The following FAM193A variants were observed in gnomAD, a reference collection of about 807,000 sequenced individuals.
FAM193A encodes protein FAM193A.
FAM193A carries 22 observed loss-of-function variants against 126.5 expected under a neutral mutation model. The observed-to-expected ratio is 0.17, with a 90% confidence interval of 0.12 to 0.25. The LOEUF is 0.25. Among genes scored for constraint, FAM193A ranks in the 10% least tolerant of loss-of-function variants. The pLI, the probability that FAM193A is intolerant of heterozygous loss-of-function variation, is 1.00. For synonymous variants in FAM193A, 761 were observed against 646.8 expected, an observed-to-expected ratio of 1.18 and a Z score of -2.68; for missense variants, 1,675 against 1,672.8, an observed-to-expected ratio of 1.00 and a Z score of -0.02.
chr4:2,641,204 G>A (rs1476438465), intron 6 of FAM193A, among the ~76,000 whole-genome samples: 6 of 151,166 alleles, frequency 4.0e-5, no homozygotes, highest in Admixed American at 2.6e-4. Context: ...GCACCACCAC[G>A]CCTGGCTAAT....
At chr4:2,626,877 C>T (rs1460570065) in intron 4 of FAM193A, among the ~76,000 whole-genome samples, 1 of 152,168 alleles carries the variant, frequency 6.6e-6, no homozygotes, top group Non-Finnish European at 1.5e-5. Flanking sequence ...CCCCCTGTGC[C>T]AGGGATGATG....
intron 10 of FAM193A, among the ~76,000 whole-genome samples, chr4:2,660,727 G>C (rs941281978): frequency 6.6e-6 from 1 of 152,212 alleles, no homozygotes; most frequent in African/African-American, 2.4e-5. Flanking sequence ...CCTGACCTTG[G>C]CTATGCAGCG....
Position 2,625,661 on chromosome 4 carries a change from T to C in FAM193A, c.635+266T>C, listed in dbSNP as rs969048370. 1.4e-5 allele frequency: 4 copies of C among 286,034 alleles called. No homozygotes were observed. The Admixed American group carries it at 2.1e-4, about 15-fold the overall frequency. The allele number at this position is 286,034 out of a possible 1,614,324, so 17.7% of individuals were successfully genotyped here. A position where few individuals can be genotyped will look rare whatever the true frequency, so the allele number is the denominator to read the frequency against. On this transcript the variant is annotated intron_variant, in intron 3 of 20. Coordinates refer to ENST00000637812, the MANE Select transcript of FAM193A (RefSeq NM_001366318.2). Reference sequence around the variant, plus strand: ...CAGCCTCAGTGAATGAGAGGAGCGATGGGGGAGAGCCTGACTGGCTGCTTC... The same window carrying C: ...CAGCCTCAGTGAATGAGAGGAGCGACGGGGGAGAGCCTGACTGGCTGCTTC...
At chr4:2,565,276 T>A (rs1728271) in intron 1 of FAM193A, among the ~76,000 whole-genome samples, 609 of 47,948 alleles carry the variant, frequency 0.013, 22 homozygotes, top group Middle Eastern at 0.071. Flanking sequence ...TTTTTTTTTT[T>A]AAAAGATGCA....
chr4:2,653,752 T>TG (rs1237665802), intron 7 of FAM193A, among the ~76,000 whole-genome samples: 2 of 152,210 alleles, frequency 1.3e-5, no homozygotes, highest in Non-Finnish European at 2.9e-5. Context: ...AGGAGATGCA[T>TG]TTTTATTTTC....
At chr4:2,668,925 C>T (rs1242112041) in intron 12 of FAM193A, among the ~76,000 whole-genome samples, 7 of 152,104 alleles carry the variant, frequency 4.6e-5, no homozygotes, top group Admixed American at 4.6e-4. Flanking sequence ...TCACTTCAAC[C>T]TCCACCTCCC....
At chr4:2,549,558 G>A (rs1344609129) in intron 1 of FAM193A, among the ~76,000 whole-genome samples, 4 of 145,492 alleles carry the variant, frequency 2.7e-5, no homozygotes, top group Admixed American at 6.8e-5. Flanking sequence ...CACTACGCTC[G>A]GCTAATTTTT....
chr4:2,635,256 T>C (rs562671712), intron 5 of FAM193A, among the ~76,000 whole-genome samples: 2 of 152,304 alleles, frequency 1.3e-5, no homozygotes, highest in South Asian at 4.1e-4. Context: ...CAGCACCAGC[T>C]TAAGATAAAC....
rs181538807 is a variant in FAM193A, at chr4:2,705,491, T to C, written c.4372+4947T>C. On this transcript the variant is annotated intron_variant, in intron 19 of 20. Transcript: ENST00000637812. ...TTTTTTTTCATTTATATCCCTAATATGTTTGGAAATTTTTCTTCTCTGTGG... is the reference window on the plus strand; with the variant it reads ...TTTTTTTTCATTTATATCCCTAATACGTTTGGAAATTTTTCTTCTCTGTGG... Among the ~76,000 whole-genome samples the C allele has an allele frequency of 3.9e-3, 598 of 152,148 alleles. 3 individuals are homozygous for C. Among genetic ancestry groups the C allele is most frequent in the African/African-American group, 0.014 (574 of 41,536 alleles).
chr4:2,540,552 G>A (rs2108800953), intron 1 of FAM193A, among the ~76,000 whole-genome samples: 1 of 152,210 alleles, frequency 6.6e-6, no homozygotes, highest in African/African-American at 2.4e-5. Context: ...GGAGGCTGAG[G>A]CAGGAGAATG....
chr4:2,625,537 C>T (rs966510083), intron 3 of FAM193A, 142 bp downstream of exon 3: 21 of 497,400 alleles, frequency 4.2e-5, no homozygotes, highest in Admixed American at 3.8e-4. Flanking sequence ...AGAGAAAGAA[C>T]CATATGAGTA....
chr4:2,660,305 G>A (rs1392650143), intron 10 of FAM193A, among the ~76,000 whole-genome samples: 2 of 152,098 alleles, frequency 1.3e-5, no homozygotes, highest in Non-Finnish European at 2.9e-5. Context: ...GGTATGCAGA[G>A]AAGAAGTGTC....
chr4:2,721,450 C>A (rs568188110), intron 20 of FAM193A, among the ~76,000 whole-genome samples: 1 of 152,188 alleles, frequency 6.6e-6, no homozygotes, highest in Admixed American at 6.5e-5. Flanking sequence ...CTTACGCCAC[C>A]TCACTCCAGC....
At chr4:2,616,662 C>T (rs1323801224) in intron 2 of FAM193A, among the ~76,000 whole-genome samples, 3 of 151,834 alleles carry the variant, frequency 2.0e-5, no homozygotes, top group African/African-American at 4.8e-5. Context: ...CAGGTTCACG[C>T]CATTCTCCCA....
chr4:2,545,223 C>G (rs1737474343), intron 1 of FAM193A, among the ~76,000 whole-genome samples: 1 of 152,206 alleles, frequency 6.6e-6, no homozygotes, highest in African/African-American at 2.4e-5. Flanking sequence ...GAACTCCTGA[C>G]CTCAGGTGAT....
Position 2,700,245 on chromosome 4 carries a change from C to G in FAM193A, c.4073C>G (p.Pro1358Arg). 2.5e-6 allele frequency: 4 copies of G among 1,614,044 alleles called. No homozygotes were observed. The highest frequency in any genetic ancestry group is 1.3e-5 in the African/African-American group (1 of 75,020). The change falls in exon 19 of 21, where the codon CCC (proline) becomes CGC (arginine). Residue 1358 changes from proline (P) to arginine (R), a missense_variant. Around this residue, in one of 4 missense-constraint regions of FAM193A, gnomAD observed 415 missense variants for 396.7 expected, o/e 1.05. Coordinates refer to ENST00000637812, the MANE Select transcript of FAM193A (RefSeq NM_001366318.2). Reference protein sequence around the residue: ...SEPARRPTEPPKATEGQSKPR... With the variant: ...SEPARRPTEPRKATEGQSKPR... ...CCAGCGAGGAGGCCCACAGAGCCCC[C>G]CAAGGCCACAGAGGGGCAGTCCAAG...
chr4:2,602,981 TTTTTTG>T (rs1741294606), intron 2 of FAM193A, among the ~76,000 whole-genome samples: 3 of 130,532 alleles, frequency 2.3e-5, no homozygotes, highest in African/African-American at 9.1e-5. Context: ...TTTTTTTTTT[TTTTTTG>T]AGACGAAGTC....
chr4:2,708,942 G>T (rs1177727723), intron 19 of FAM193A, among the ~76,000 whole-genome samples: 1 of 151,898 alleles, frequency 6.6e-6, no homozygotes, highest in African/African-American at 2.4e-5. Flanking sequence ...CATCTTTTCT[G>T]ATCTTAACAG....
intron 2 of FAM193A, among the ~76,000 whole-genome samples, chr4:2,614,290 AT>A (rs1742058312): frequency 6.6e-6 from 1 of 152,152 alleles, no homozygotes; most frequent in South Asian, 2.1e-4. Context: ...GATTGAGGAA[AT>A]TTACTTATAT....
Sources: gnomAD v4.1 joint callset for allele counts (sites outside exome capture counted in the v4.1 genomes callset) on GRCh38, gnomAD v4.1.1 for gene constraint, gnomAD v4.1.1 regional missense constraint, MANE v1.5 for transcripts, NCBI Gene and HGNC (gene_info 2026-07-23, HGNC 2026-07-21) for gene names.